The following KLRG1 variants were observed in gnomAD, a reference collection of about 807,000 sequenced individuals.
The protein encoded by KLRG1 is killer cell lectin like receptor G1.
A neutral mutation model predicts 21.8 loss-of-function variants in KLRG1; 16 were observed. The observed-to-expected ratio is 0.73, with a 90% CI of 0.50 to 1.11. KLRG1 has a LOEUF of 1.11. Among genes scored for constraint, KLRG1 ranks in the 50% most tolerant of loss-of-function variants. The probability of loss-of-function intolerance (pLI) is 0.00; values close to 1 mark genes in which losing one functional copy is unlikely to be tolerated. For missense variants in KLRG1, 173 were observed against 218.3 expected (o/e 0.79, Z 1.31); for synonymous variants, 69 against 75.9 (o/e 0.91, Z 0.47).
chr12:8,974,293 G>A (rs11494569), intron 1 of KLRG1, among the ~76,000 whole-genome samples: 52,694 of 151,316 alleles, frequency 0.35, 10,562 homozygotes, highest in South Asian at 0.44. Flanking sequence ...TCAGCCTCCC[G>A]AGTAGCTGGG....
At chr12:8,967,537 C>A (rs1269386261) in intron 1 of KLRG1, among the ~76,000 whole-genome samples, 6 of 151,818 alleles carry the variant, frequency 4.0e-5, no homozygotes, top group Non-Finnish European at 5.9e-5. Flanking sequence ...GCTGTGGCAA[C>A]ATAGCGAGAC....
the KLRG1 span, among the ~76,000 whole-genome samples, chr12:9,166,636 T>G: frequency 6.6e-6 from 1 of 152,236 alleles, no homozygotes; most frequent in Non-Finnish European, 1.5e-5. Context: ...TGATTTACAT[T>G]AAATTACTTT....
chr12:9,089,339 T>C, the KLRG1 span: 3 of 958,472 alleles, frequency 3.1e-6, no homozygotes, highest in African/African-American at 4.9e-5. Context: ...ATTTGGATAG[T>C]GAAGAGAAGG....
chr12:9,060,872 G>A, the KLRG1 span, among the ~76,000 whole-genome samples: 1 of 152,214 alleles, frequency 6.6e-6, no homozygotes, highest in East Asian at 1.9e-4. Context: ...TAGACTATAA[G>A]ATTTCTCTAG....
At chr12:9,090,084 C>A in the KLRG1 span, 3 of 1,552,934 alleles carry the variant, frequency 1.9e-6, no homozygotes, top group Non-Finnish European at 1.7e-6. Flanking sequence ...CCTCCAAACT[C>A]AAGATTTAGA....
the KLRG1 span, among the ~76,000 whole-genome samples, chr12:9,119,970 C>T: frequency 2.6e-5 from 4 of 152,114 alleles, no homozygotes; most frequent in African/African-American, 9.7e-5. Context: ...GCTGTGTGGT[C>T]CTGGGTAACT....
chr12:9,106,351 A>T, the KLRG1 span: 1 of 1,581,902 alleles, frequency 6.3e-7, no homozygotes, highest in South Asian at 1.1e-5. Context: ...CACCACTGAA[A>T]AAAGAGAAAA....
the KLRG1 span, chr12:9,113,363 G>T: frequency 2.5e-6 from 4 of 1,612,898 alleles, no homozygotes; most frequent in Non-Finnish European, 3.4e-6. Flanking sequence ...CACTCACAGC[G>T]AAGGCGACAC....
At chr12:9,084,809 A>C in the KLRG1 span, among the ~76,000 whole-genome samples, 1 of 152,154 alleles carries the variant, frequency 6.6e-6, no homozygotes. Flanking sequence ...AAGGACACAC[A>C]TAGACTGAAA....
chr12:9,192,341 G>T, the KLRG1 span: 65 of 1,393,964 alleles, frequency 4.7e-5, no homozygotes, highest in Non-Finnish European at 6.1e-5. Flanking sequence ...ACTTTCAGTT[G>T]TCAAGTCTGT....
At chr12:9,050,035 A>G in the KLRG1 span, among the ~76,000 whole-genome samples, 1 of 152,178 alleles carries the variant, frequency 6.6e-6, no homozygotes, top group Non-Finnish European at 1.5e-5. Flanking sequence ...CCTAGTGTCA[A>G]TTATTGATTT....
At chr12:9,102,758 G>A in the KLRG1 span, among the ~76,000 whole-genome samples, 1 of 152,204 alleles carries the variant, frequency 6.6e-6, no homozygotes, top group African/African-American at 2.4e-5. Context: ...GGAACAGGTA[G>A]AAATAATAAT....
At chr12:9,129,774 T>C in the KLRG1 span, among the ~76,000 whole-genome samples, 1 of 152,216 alleles carries the variant, frequency 6.6e-6, no homozygotes, top group East Asian at 1.9e-4. Context: ...GGTCTAGATC[T>C]CCTGACCTTG....
the KLRG1 span, among the ~76,000 whole-genome samples, chr12:9,194,626 A>G: frequency 2.2e-4 from 34 of 151,884 alleles, no homozygotes; most frequent in East Asian, 1.2e-3. Context: ...CACCCCGCCC[A>G]GCTAATTTTT....
At chr12:9,042,421 A>G in the KLRG1 span, among the ~76,000 whole-genome samples, 71 of 152,364 alleles carry the variant, frequency 4.7e-4, no homozygotes, top group East Asian at 6.0e-3. Context: ...TCAAGATTAC[A>G]GCTGTAGACC....
At chr12:9,197,590 A>C in the KLRG1 span, among the ~76,000 whole-genome samples, 1 of 93,074 alleles carries the variant, frequency 1.1e-5, no homozygotes, top group African/African-American at 4.3e-5. Flanking sequence ...ACATAATATA[A>C]TATATAAATA....
chr12:9,123,406 G>C, the KLRG1 span, among the ~76,000 whole-genome samples: 1 of 152,088 alleles, frequency 6.6e-6, no homozygotes, highest in Non-Finnish European at 1.5e-5. Context: ...GTAAAATAAG[G>C]ATTATTTGAA....
the KLRG1 span, among the ~76,000 whole-genome samples, chr12:9,091,012 G>C: frequency 3.0e-4 from 46 of 152,050 alleles, no homozygotes; most frequent in Non-Finnish European, 5.1e-4. Flanking sequence ...AACTTTGAAG[G>C]GTTATAAGGG....
chr12:9,173,298 G>A, the KLRG1 span, among the ~76,000 whole-genome samples: 3 of 152,144 alleles, frequency 2.0e-5, no homozygotes, highest in African/African-American at 7.2e-5. Flanking sequence ...ACAATGTACT[G>A]CAATCTCTGG....
Sources: gnomAD v4.1 joint callset for allele counts (sites outside exome capture counted in the v4.1 genomes callset) on GRCh38, gnomAD v4.1.1 for gene constraint, MANE v1.5 for transcripts, NCBI Gene and HGNC (gene_info 2026-07-23, HGNC 2026-07-21) for gene names.